Variants in NUP93 observed in about 807,000 individuals in gnomAD.
NUP93 encodes nucleoporin 93.
A neutral mutation model predicts 107.8 loss-of-function variants in NUP93; 55 were observed. The observed-to-expected ratio is 0.51, with a 90% CI of 0.41 to 0.64. The LOEUF (loss-of-function observed/expected upper bound fraction) is 0.64, where lower values mean the gene tolerates loss of function less well. NUP93 is among the 30% of genes least tolerant of loss of function. The probability of loss-of-function intolerance (pLI) is 0.00; values close to 1 mark genes in which losing one functional copy is unlikely to be tolerated. For synonymous variants in NUP93, 390 were observed against 397.5 expected (o/e 0.98, Z 0.22); for missense variants, 937 against 1,044.7 (o/e 0.90, Z 1.42).
At chr16:56,836,815 C>A in intron 17 of NUP93, 98 bp downstream of exon 17, 1 of 744,558 alleles carries the variant, frequency 1.3e-6, no homozygotes, top group Non-Finnish European at 2.3e-6. Flanking sequence ...GTTGTAGCAC[C>A]CTCCCTGCAG....
chr16:56,798,381 T>C lies in NUP93; in HGVS notation c.298-95T>C, dbSNP rs146228854. Reference sequence around the variant, plus strand: ...AGAGTTTTGTGAGGTGTAGGTAGCATAGTAGATACCATTATGGTTATTGTT... The same window carrying C: ...AGAGTTTTGTGAGGTGTAGGTAGCACAGTAGATACCATTATGGTTATTGTT... On this transcript the variant is annotated intron_variant, in intron 3 of 21. Coordinates refer to ENST00000308159, the MANE Select transcript of NUP93 (RefSeq NM_014669.5). 3,065 of 983,872 alleles carry C rather than the reference T, an allele frequency of 3.1e-3. 63 individuals are homozygous for C. The African/African-American group carries it at 0.043, about 14-fold the overall frequency. 60.9% of individuals were successfully genotyped at this position (983,872 alleles called of 1,614,324 possible).
chr16:56,773,166 T>C (rs1181510210), intron 3 of NUP93, among the ~76,000 whole-genome samples: 1 of 152,154 alleles, frequency 6.6e-6, no homozygotes, highest in African/African-American at 2.4e-5. Context: ...TGATTGATTA[T>C]ACATTAAAGC....
chr16:56,783,081 ACAATACAT>A (rs1487356101), intron 3 of NUP93, among the ~76,000 whole-genome samples: 7 of 152,318 alleles, frequency 4.6e-5, no homozygotes, highest in African/African-American at 1.7e-4. Context: ...TATCAAAGAT[ACAATACAT>A]TTAATTCGGC....
intron 5 of NUP93, 65 bp downstream of exon 5, chr16:56,805,697 C>G: frequency 1.3e-6 from 2 of 1,510,196 alleles, no homozygotes; most frequent in Middle Eastern, 2.0e-4. Flanking sequence ...TACTTGTCTA[C>G]TTGACTAGTA....
intron 21 of NUP93, chr16:56,842,688 G>GT: frequency 2.3e-6 from 1 of 439,350 alleles, no homozygotes; most frequent in South Asian, 1.6e-5. Context: ...AAGTAGCTGG[G>GT]ACTACAGGTA....
chr16:56,744,943 A>G (rs1458961768), intron 1 of NUP93, among the ~76,000 whole-genome samples: 1 of 152,204 alleles, frequency 6.6e-6, no homozygotes, highest in African/African-American at 2.4e-5. Flanking sequence ...ACTCTCACCA[A>G]CGGAAGAAAA....
At position 56,834,178 on chromosome 16, in the gene NUP93, C is replaced by T. The variant is rs750107617; in HGVS notation, c.1588C>T (p.Arg530Trp). 38 of 1,614,040 alleles carry T rather than the reference C, an allele frequency of 2.4e-5. 1 individual carries two copies. The highest frequency in any genetic ancestry group is 1.4e-4 in the South Asian group (13 of 91,090). ...TTGCTTGCGGCGGCTGAACTTCGTG[C>T]GGCTCCTCATGCTGTACACCCGGAA... ...PPCLRRLNFV[R>W]LLMLYTRKFE... Residue 530 changes from arginine (R) to tryptophan (W), a missense_variant, in exon 14 of 22, where the codon CGG (arginine) becomes TGG (tryptophan). By Grantham distance (101) the Arg-to-Trp change is moderately radical. Coordinates refer to ENST00000308159, the MANE Select transcript of NUP93 (RefSeq NM_014669.5).
rs1963963116 is a variant in NUP93 at position 56,838,850 on chromosome 16, C to T, written c.2019-102C>T. 7 of 812,740 alleles carry T rather than the reference C, an allele frequency of 8.6e-6. No individual in the cohort carries two copies. In the African/African-American group the frequency reaches 8.6e-5, roughly 10 times the overall value. 50.3% of individuals were successfully genotyped at this position (812,740 alleles called of 1,614,324 possible). A position where few individuals can be genotyped will look rare whatever the true frequency, so the allele number is the denominator to read the frequency against. ...ATGTAGCTGAGATTACAGGCATGAGCGACCACACCCCACTGTTTTTTTAAA... is the reference window on the plus strand; with the variant it reads ...ATGTAGCTGAGATTACAGGCATGAGTGACCACACCCCACTGTTTTTTTAAA... On this transcript the variant is annotated intron_variant, in intron 18 of 21. Transcript: ENST00000308159.
In NUP93 at chr16:56,833,335, C is replaced by CTGTCCA. The variant is rs1420645518; in HGVS notation, c.1470_1475dup (p.His491_Val492dup). The CTGTCCA allele has an allele frequency of 6.2e-7, 1 of 1,606,268 alleles. No individual in the cohort carries two copies. Among genetic ancestry groups the CTGTCCA allele is most frequent in the South Asian group, 1.1e-5 (1 of 89,554 alleles). ...CGCATGGAGCGGCTGCGCTGCCATG[C>CTGTCCA]TGTCCATGTAGCACTGGTGCTGTTT... On this transcript the variant is annotated inframe_insertion, in exon 13 of 22. Transcript: ENST00000308159.
intron 3 of NUP93, among the ~76,000 whole-genome samples, chr16:56,780,725 T>C (rs1191846765): frequency 6.6e-6 from 1 of 152,230 alleles, no homozygotes; most frequent in Non-Finnish European, 1.5e-5. Context: ...TAAAAATACA[T>C]CATGAAATTG....
At chr16:56,735,634 C>T (rs1961598977) in intron 1 of NUP93, among the ~76,000 whole-genome samples, 1 of 152,074 alleles carries the variant, frequency 6.6e-6, no homozygotes. Flanking sequence ...CACTTGAGGT[C>T]AGGAGTTCGA....
intron 1 of NUP93, among the ~76,000 whole-genome samples, chr16:56,738,353 C>A (rs767913344): frequency 2.0e-5 from 3 of 152,206 alleles, no homozygotes; most frequent in South Asian, 2.1e-4. Flanking sequence ...CAGGTTATTA[C>A]TTCTCTTTGC....
intron 20 of NUP93, among the ~76,000 whole-genome samples, chr16:56,841,290 C>T (rs915496352): frequency 6.6e-6 from 1 of 152,130 alleles, no homozygotes; most frequent in South Asian, 2.1e-4. Flanking sequence ...GGAAACAGCC[C>T]GGTGAGTTTG....
chr16:56,813,317 T>C (rs184458111), intron 5 of NUP93, among the ~76,000 whole-genome samples: 7 of 152,348 alleles, frequency 4.6e-5, no homozygotes, highest in Non-Finnish European at 8.8e-5. Context: ...AAATTTCTTA[T>C]TGATACATAA....
At chr16:56,793,924 G>A (rs150638445) in intron 3 of NUP93, among the ~76,000 whole-genome samples, 79 of 152,234 alleles carry the variant, frequency 5.2e-4, no homozygotes, top group African/African-American at 1.8e-3. Context: ...GTGGTGGCGT[G>A]TGCCTGTAGT....
At chr16:56,754,708 T>C (rs1961985885) in intron 2 of NUP93, among the ~76,000 whole-genome samples, 1 of 152,220 alleles carries the variant, frequency 6.6e-6, no homozygotes, top group Non-Finnish European at 1.5e-5. Flanking sequence ...TTCTGAGTTC[T>C]GGAGGATGGT....
intron 3 of NUP93, among the ~76,000 whole-genome samples, chr16:56,767,161 G>A (rs530174392): frequency 1.3e-5 from 2 of 152,316 alleles, no homozygotes; most frequent in Admixed American, 6.5e-5. Flanking sequence ...AGTGGTGCAC[G>A]CACCACTTTA....
chr16:56,814,016 A>G, intron 5 of NUP93, among the ~76,000 whole-genome samples: 1 of 152,180 alleles, frequency 6.6e-6, no homozygotes, highest in Non-Finnish European at 1.5e-5. Flanking sequence ...TTTGCCTACA[A>G]CTTTTAAAGC....
Position 56,823,829 on chromosome 16 carries a change from G to A in NUP93, c.777G>A (p.Leu259=). ...EVRMEFVRQA[L]AYLEQSYKNY... ...GCATGGAGTTTGTCAGGCAGGCCTT[G>A]GCGTACCTTGAGCAGAGGTAAGGCA... The change falls in exon 8 of 22, where the codon TTG becomes TTA. Residue 259 remains leucine (L), a synonymous_variant. Transcript: ENST00000308159. 6.2e-7 allele frequency: 1 copy of A among 1,613,980 alleles called. No homozygotes were observed. The highest frequency in any genetic ancestry group is 8.5e-7 in the Non-Finnish European group (1 of 1,180,002).
Sources: allele counts gnomAD v4.1 joint callset (sites outside exome capture counted in the v4.1 genomes callset), GRCh38; gene constraint gnomAD v4.1.1; transcripts MANE v1.5; gene names NCBI Gene and HGNC (gene_info 2026-07-23, HGNC 2026-07-21).